Variants in ANKRD42 observed in about 807,000 individuals in gnomAD.
The protein encoded by ANKRD42 is ankyrin repeat domain 42.
Under a neutral mutation model 51.5 loss-of-function variants are expected in ANKRD42, and 43 were observed. The ratio of observed to expected loss-of-function variants is 0.83; its 90% confidence interval spans 0.65 to 1.08. The LOEUF (loss-of-function observed/expected upper bound fraction) is 1.08, where lower values mean the gene tolerates loss of function less well. Ranked by LOEUF, ANKRD42 falls within the 50% of genes least tolerant of loss-of-function variation. ANKRD42 has a pLI of 0.00. For missense variants in ANKRD42, 608 were observed against 629.3 expected, an observed-to-expected ratio of 0.97 and a Z score of 0.36; for synonymous variants, 203 against 213.0, an observed-to-expected ratio of 0.95 and a Z score of 0.41.
In ANKRD42 at chr11:83,212,856, T is replaced by C. The variant is rs1231094796; in HGVS notation, c.586+1426T>C. On this transcript the variant is annotated intron_variant, in intron 5 of 10. Transcript: ENST00000533342. ...TATGAACTCTTTCAATTTTTGTGTA[T>C]CTGAAAATTTATTTTGTTCTCATTC... is the stretch of plus-strand genomic sequence containing the variant. The C allele has an allele frequency of 8.4e-6, 12 of 1,426,864 alleles. No homozygotes were observed. In the African/African-American group the frequency reaches 1.4e-4, roughly 17 times the overall value. 88.4% of individuals were successfully genotyped at this position (1,426,864 alleles called of 1,614,324 possible).
At chr11:83,206,659 T>TG (rs1180217464) in intron 3 of ANKRD42, among the ~76,000 whole-genome samples, 1 of 152,202 alleles carries the variant, frequency 6.6e-6, no homozygotes, top group Non-Finnish European at 1.5e-5. Flanking sequence ...CTATGCAGAA[T>TG]GAGCCCTCAC....
chr11:83,252,284 G>A (rs1442508082), downstream of ANKRD42, among the ~76,000 whole-genome samples: 1 of 152,164 alleles, frequency 6.6e-6, no homozygotes, highest in Non-Finnish European at 1.5e-5. Context: ...AACAACTGGA[G>A]ATTTTATACA....
chr11:83,255,999 T>G, exon 12 of ANKRD42: 1 of 1,188,124 alleles, frequency 8.4e-7, no homozygotes, highest in South Asian at 1.4e-5. Flanking sequence ...GATATAAATG[T>G]GAGTCTATAC....
intron 2 of ANKRD42, among the ~76,000 whole-genome samples, chr11:83,198,870 A>G (rs1052995337): frequency 4.6e-5 from 7 of 152,192 alleles, no homozygotes; most frequent in South Asian, 2.1e-4. Context: ...CAAACCCAAG[A>G]ATTTGGATCC....
chr11:83,229,143 A>C (rs1037813471), intron 7 of ANKRD42, among the ~76,000 whole-genome samples: 2 of 151,998 alleles, frequency 1.3e-5, no homozygotes, highest in Admixed American at 1.3e-4. Flanking sequence ...TTTGGCTTAT[A>C]GATGACCTGC....
rs1862939184 is a variant in ANKRD42, at chr11:83,227,875, G to C, written c.913+3G>C. 6.3e-7 allele frequency: 1 copy of C among 1,597,532 alleles called. No homozygotes were observed. Among genetic ancestry groups the C allele is most frequent in the African/African-American group, 1.4e-5 (1 of 74,018 alleles). On this transcript the variant is annotated splice_donor_region_variant and intron_variant, in intron 7 of 10. Coordinates refer to ENST00000533342, the MANE Select transcript of ANKRD42 (RefSeq NM_001300975.2). ...TGGATCAACTCCTATGCATAAAGGT[G>C]AGTTATGATTCCTCCTTTCAGTTCG...
At chr11:83,253,894 G>A (rs1160858184), downstream of ANKRD42, among the ~76,000 whole-genome samples, 4 of 152,096 alleles carry the variant, frequency 2.6e-5, no homozygotes, top group Admixed American at 1.3e-4. Context: ...CATATTTGGT[G>A]TTAGGAGGGA....
downstream of ANKRD42, chr11:83,257,447 T>C (rs1004715187): frequency 1.0e-5 from 4 of 387,740 alleles, no homozygotes; most frequent in South Asian, 5.6e-5. Context: ...GCCATAGTTG[T>C]TTTTTGGTCA....
intron 7 of ANKRD42, among the ~76,000 whole-genome samples, chr11:83,231,566 A>G (rs1036693608): frequency 1.3e-5 from 2 of 152,032 alleles, no homozygotes; most frequent in Admixed American, 6.6e-5. Flanking sequence ...ATGTGATCCC[A>G]TTTGTCCATG....
chr11:83,210,181 AACAT>A, intron 3 of ANKRD42, 115 bp from the exon 4 acceptor site: 1 of 942,412 alleles, frequency 1.1e-6, no homozygotes, highest in African/African-American at 1.7e-5. Context: ...CATATGTAAG[AACAT>A]ACATAAGAAT....
intron 5 of ANKRD42, 147 bp downstream of exon 5, chr11:83,211,577 A>C: frequency 1.1e-6 from 1 of 881,430 alleles, no homozygotes; most frequent in Non-Finnish European, 1.7e-6. Context: ...CTGGAGGATC[A>C]CTTGAGGCCA....
intron 5 of ANKRD42, chr11:83,213,518 G>T: frequency 1.6e-6 from 2 of 1,288,818 alleles, no homozygotes; most frequent in South Asian, 1.8e-5. Flanking sequence ...TTTTCAGACT[G>T]CTTTCAATTT....
intron 5 of ANKRD42, among the ~76,000 whole-genome samples, chr11:83,223,333 A>C (rs976635167): frequency 2.0e-5 from 3 of 152,222 alleles, no homozygotes; most frequent in Admixed American, 6.5e-5. Context: ...CGTAAGAAAT[A>C]GGGAGAGTAA....
chr11:83,217,657 C>T (rs547844138), intron 5 of ANKRD42, among the ~76,000 whole-genome samples: 1 of 152,344 alleles, frequency 6.6e-6, no homozygotes, highest in Admixed American at 6.5e-5. Flanking sequence ...GTTGCTGAAT[C>T]ATCTGGTTGG....
intron 6 of ANKRD42, among the ~76,000 whole-genome samples, chr11:83,226,144 C>A (rs1469586997): frequency 6.6e-6 from 1 of 152,134 alleles, no homozygotes; most frequent in Non-Finnish European, 1.5e-5. Context: ...TCTGTTCAAT[C>A]TGCAGATGTG....
rs746760149 is a variant in ANKRD42, at chr11:83,247,949, C to T, written c.1329C>T (p.Ile443=). Reference sequence around the variant, plus strand: ...AAAATTTTGTTTTTGATAGGACCATCAAAGAACTGCAGGGCCAGCTGGAGT... The same window carrying T: ...AAAATTTTGTTTTTGATAGGACCATTAAAGAACTGCAGGGCCAGCTGGAGT... ...KKEQLESEKT[I]KELQGQLEYE... The change falls in exon 11 of 11, where the codon ATC becomes ATT. Residue 443 remains isoleucine (I), a synonymous_variant. Coordinates refer to ENST00000533342, the MANE Select transcript of ANKRD42 (RefSeq NM_001300975.2). The T allele has an allele frequency of 6.2e-7, 1 of 1,604,484 alleles. No individual in the cohort carries two copies. The highest frequency in any genetic ancestry group is 8.5e-7 in the Non-Finnish European group (1 of 1,177,078).
chr11:83,237,117 G>A (rs1863247227), intron 8 of ANKRD42, among the ~76,000 whole-genome samples: 1 of 152,162 alleles, frequency 6.6e-6, no homozygotes, highest in Admixed American at 6.5e-5. Flanking sequence ...CAAGTTCTGT[G>A]ATTAGTGGTA....
At chr11:83,239,332 T>G (rs983358966) in intron 8 of ANKRD42, among the ~76,000 whole-genome samples, 2 of 152,200 alleles carry the variant, frequency 1.3e-5, no homozygotes, top group Admixed American at 1.3e-4. Context: ...TTTTCAGATA[T>G]ATACTTTGCA....
Position 83,193,719 on chromosome 11 carries a change from T to A in ANKRD42, c.-952T>A. ...TCAGCACGTCGGAAGTGTACTCGTT[T>A]CCAAGGCGACGGCCCTGCTGCCTCT... On this transcript the variant is annotated 5_prime_UTR_variant, in exon 1 of 11. Transcript: ENST00000533342. 1 of 392,828 alleles carries A rather than the reference T, an allele frequency of 2.5e-6. No homozygotes were observed. The highest frequency in any genetic ancestry group is 5.1e-6 in the Non-Finnish European group (1 of 197,190). 24.3% of individuals were successfully genotyped at this position (392,828 alleles called of 1,614,324 possible).
Sources: gnomAD v4.1 joint callset for allele counts (sites outside exome capture counted in the v4.1 genomes callset) on GRCh38, gnomAD v4.1.1 for gene constraint, MANE v1.5 for transcripts, NCBI Gene and HGNC (gene_info 2026-07-23, HGNC 2026-07-21) for gene names.